Variants in HYDIN observed in about 807,000 individuals in gnomAD.
The protein encoded by HYDIN is axonemal central pair apparatus protein HYDIN.
HYDIN carries 132 observed loss-of-function variants against 403.9 expected under a neutral mutation model. The observed-to-expected ratio is 0.33, with a 90% CI of 0.28 to 0.38. The LOEUF is 0.38. Ranked by LOEUF, HYDIN falls within the 10% of genes least tolerant of loss-of-function variation. HYDIN has a pLI of 1.00. For synonymous variants in HYDIN, 1,202 were observed against 1,891.7 expected (o/e 0.64, Z 9.46); for missense variants, 2,827 against 5,009.5 (o/e 0.56, Z 13.15).
intron 52 of HYDIN, among the ~76,000 whole-genome samples, chr16:70,902,821 A>ATATATTTTTTTTTTTTTTTTT: frequency 2.3e-4 from 11 of 47,292 alleles, no homozygotes; most frequent in South Asian, 1.5e-3. Context: ...ATATATATAT[A>ATATATTTTTTTTTTTTTTTTT]TTTTTTTTTT....
At chr16:70,956,008 T>C (rs1402390923) in intron 39 of HYDIN, among the ~76,000 whole-genome samples, 1 of 152,130 alleles carries the variant, frequency 6.6e-6, no homozygotes, top group East Asian at 1.9e-4. Context: ...TTAGTAGAGA[T>C]GGGGTTTCAC....
At chr16:71,119,905 C>G (rs1329127348) in intron 9 of HYDIN, among the ~76,000 whole-genome samples, 1 of 151,886 alleles carries the variant, frequency 6.6e-6, no homozygotes, top group African/African-American at 2.4e-5. Context: ...TTTAACACTT[C>G]TGAAATTAAA....
At chr16:71,052,518 C>T (rs1258191365) in intron 18 of HYDIN, among the ~76,000 whole-genome samples, 1 of 149,622 alleles carries the variant, frequency 6.7e-6, no homozygotes, top group Non-Finnish European at 1.5e-5. Flanking sequence ...GAGTCTAAAC[C>T]TATTCAAATA....
intron 41 of HYDIN, among the ~76,000 whole-genome samples, chr16:70,950,137 C>G (rs1360441426): frequency 1.4e-4 from 20 of 147,932 alleles, no homozygotes; most frequent in African/African-American, 5.0e-4. Context: ...GTGGGCTGTT[C>G]CATCCAACCT....
intron 1 of HYDIN, among the ~76,000 whole-genome samples, chr16:71,213,029 T>C (rs1319320108): frequency 6.6e-6 from 1 of 152,142 alleles, no homozygotes; most frequent in Non-Finnish European, 1.5e-5. Context: ...AGTAGGATGA[T>C]GCATTCAAAT....
At chr16:70,854,312 G>A (rs1303270845) in intron 73 of HYDIN, among the ~76,000 whole-genome samples, 1 of 148,402 alleles carries the variant, frequency 6.7e-6, no homozygotes. Flanking sequence ...TCAGCTCACT[G>A]CAACCTCTGC....
At chr16:70,932,380 CA>C (rs1049166067) in intron 45 of HYDIN, among the ~76,000 whole-genome samples, 44 of 152,094 alleles carry the variant, frequency 2.9e-4, no homozygotes, top group Non-Finnish European at 5.3e-4. Context: ...AAAAAATAAA[CA>C]AAAACATACC....
rs775787690 is a variant in HYDIN, at chr16:70,834,162, G to C, written c.13404C>G (p.Val4468=). The change falls in exon 79 of 86, where the codon GTC becomes GTG. Residue 4468 remains valine, a splice_region_variant and synonymous_variant. Coordinates refer to ENST00000393567, the MANE Select transcript of HYDIN (RefSeq NM_001270974.2). The part of the protein sequence containing the change: ...FTIPELQEPK[V]LTLAPFHNIT... The stretch of plus-strand genomic sequence containing the variant: ...TGTTGTGGAAGGGCGCCAGGGTAAG[G>C]ACCTGAATGAAATAGCACCCAGAGT... 1 of 1,613,872 alleles carries C rather than the reference G, an allele frequency of 6.2e-7. No homozygotes were observed. The highest frequency in any genetic ancestry group is 8.5e-7 in the Non-Finnish European group (1 of 1,179,864).
chr16:70,949,327 A>T (rs1454418664), intron 41 of HYDIN, among the ~76,000 whole-genome samples: 1 of 93,198 alleles, frequency 1.1e-5, no homozygotes, highest in Non-Finnish European at 2.2e-5. Context: ...GGGAGGGGGG[A>T]GGGATAGCAC....
Position 70,803,121 on chromosome 16 carries a change from G to A in HYDIN, c.*4459C>T, listed in dbSNP as rs1285002941. Among the ~76,000 whole-genome samples, 1 of 152,168 alleles carries A rather than the reference G, an allele frequency of 6.6e-6. No individual in the cohort carries two copies. The highest frequency in any genetic ancestry group is 2.4e-5 in the African/African-American group (1 of 41,432). On this transcript the variant is annotated 3_prime_UTR_variant, in exon 86 of 86. Transcript: ENST00000393567. ...CTTAGAGGTGAACTGAATTTCCCAA[G>A]GGTAATGATACAGTTTTTAATAATT... is the stretch of plus-strand genomic sequence containing the variant.
intron 8 of HYDIN, among the ~76,000 whole-genome samples, chr16:71,135,016 G>A (rs963926568): frequency 4.6e-5 from 7 of 152,168 alleles, no homozygotes; most frequent in East Asian, 1.9e-4. Flanking sequence ...AGAAACAGGA[G>A]TTCTGGCCCT....
At chr16:70,882,995 T>A (rs2040905453) in intron 59 of HYDIN, 100 bp from the exon 60 acceptor site, 1 of 956,646 alleles carries the variant, frequency 1.0e-6, no homozygotes, top group East Asian at 2.4e-5. Context: ...AGGAGAATTG[T>A]GGAGGACACA....
chr16:71,225,726 A>C (rs1347454838), intron 1 of HYDIN, among the ~76,000 whole-genome samples: 2 of 152,206 alleles, frequency 1.3e-5, no homozygotes, highest in Non-Finnish European at 2.9e-5. Flanking sequence ...AGTTCTCCCC[A>C]CCAAGACATT....
intron 1 of HYDIN, among the ~76,000 whole-genome samples, chr16:71,194,965 G>A (rs1247515971): frequency 6.6e-6 from 1 of 152,198 alleles, no homozygotes; most frequent in Non-Finnish European, 1.5e-5. Flanking sequence ...AGAGACGATG[G>A]GAGAAGCTAC....
rs1306000672 is a variant in HYDIN at position 70,974,180 on chromosome 16, G to C, written c.5030C>G (p.Pro1677Arg). 6.5e-7 allele frequency: 1 copy of C among 1,548,808 alleles called. No individual in the cohort carries two copies. Among genetic ancestry groups the C allele is most frequent in the Non-Finnish European group, 8.7e-7 (1 of 1,145,450 alleles). ...CCCAGCGGTGCCTTGTACCTTGATG[G>C]GCAGAATGACTTCTTTGCTTCCAAC... ...LPVGSKEVIL[P>R]IKVVGGPTVH... Residue 1677 changes from proline to arginine, a missense_variant, in exon 33 of 86, where the codon CCC becomes CGC. Transcript: ENST00000393567.
chr16:70,852,774 T>C (rs1179386839), intron 73 of HYDIN: 1 of 152,212 alleles, frequency 6.6e-6, no homozygotes. Flanking sequence ...ACAACACACA[T>C]ACAGAAAATA....
chr16:71,138,043 G>A (rs1015150660), intron 7 of HYDIN, among the ~76,000 whole-genome samples: 6 of 149,988 alleles, frequency 4.0e-5, no homozygotes, highest in Non-Finnish European at 7.4e-5. Context: ...TCTTTATTCA[G>A]TATAGCAATT....
At chr16:71,161,528 A>G (rs2086001301) in intron 6 of HYDIN, among the ~76,000 whole-genome samples, 1 of 152,206 alleles carries the variant, frequency 6.6e-6, no homozygotes, top group Non-Finnish European at 1.5e-5. Flanking sequence ...TGTGCTCTTC[A>G]GGAAATGATG....
chr16:70,854,601 G>C (rs538742671), intron 73 of HYDIN, among the ~76,000 whole-genome samples: 1 of 141,426 alleles, frequency 7.1e-6, no homozygotes, highest in African/African-American at 2.6e-5. Flanking sequence ...TTTTAGTAGA[G>C]ACGGGGTTTC....
Sources: allele counts gnomAD v4.1 joint callset (sites outside exome capture counted in the v4.1 genomes callset), GRCh38; gene constraint gnomAD v4.1.1; transcripts MANE v1.5; gene names NCBI Gene and HGNC (gene_info 2026-07-23, HGNC 2026-07-21).